The following AGBL1 variants were observed in gnomAD, a reference collection of about 807,000 sequenced individuals.
The protein encoded by AGBL1 is cytosolic carboxypeptidase 4.
In AGBL1, 130 loss-of-function variants were observed where a neutral mutation model predicts 118.9. That is an observed-to-expected ratio of 1.09 (90% CI 0.95 to 1.26). AGBL1 has a LOEUF of 1.26. AGBL1 is among the 50% of genes most tolerant of loss of function. The probability of loss-of-function intolerance (pLI) is 0.00; values close to 1 mark genes in which losing one functional copy is unlikely to be tolerated. For missense variants in AGBL1, 1,584 were observed against 1,298.1 expected (o/e 1.22, Z -3.38); for synonymous variants, 555 against 478.9 (o/e 1.16, Z -2.08).
intron 23 of AGBL1, among the ~76,000 whole-genome samples, chr15:86,925,802 C>A (rs1241474940): frequency 6.7e-6 from 1 of 149,818 alleles, no homozygotes; most frequent in South Asian, 2.1e-4. Context: ...GCCATCTCGG[C>A]TCACTGCAAC....
At chr15:86,534,027 G>T (rs2083386947) in intron 19 of AGBL1, among the ~76,000 whole-genome samples, 1 of 128,252 alleles carries the variant, frequency 7.8e-6, no homozygotes, top group South Asian at 2.9e-4. Flanking sequence ...ACGAGTTAGT[G>T]GGTGCAGCGC....
At chr15:86,516,592 G>T (rs2083123886) in intron 18 of AGBL1, among the ~76,000 whole-genome samples, 1 of 152,158 alleles carries the variant, frequency 6.6e-6, no homozygotes, top group Non-Finnish European at 1.5e-5. Flanking sequence ...CTGAGGTCAG[G>T]AGTTTGAGAC....
At chr15:86,157,224 C>T (rs1002212015) in intron 4 of AGBL1, among the ~76,000 whole-genome samples, 2 of 152,074 alleles carry the variant, frequency 1.3e-5, no homozygotes, top group African/African-American at 4.8e-5. Flanking sequence ...CACCTATCTC[C>T]CGTATATTGA....
chr15:86,116,961 T>C (rs1035480476), intron 1 of AGBL1, among the ~76,000 whole-genome samples: 65 of 151,982 alleles, frequency 4.3e-4, no homozygotes, highest in Admixed American at 7.2e-4. Flanking sequence ...CTTTTTTTTT[T>C]TTTTTAACAT....
At chr15:86,826,301 T>A (rs1031736278) in intron 22 of AGBL1, among the ~76,000 whole-genome samples, 7 of 152,052 alleles carry the variant, frequency 4.6e-5, no homozygotes, top group Non-Finnish European at 8.8e-5. Flanking sequence ...ATAATCTCAA[T>A]AGAGATTTGA....
intron 1 of AGBL1, among the ~76,000 whole-genome samples, chr15:86,110,860 A>G (rs1366384712): frequency 2.0e-5 from 3 of 152,186 alleles, no homozygotes; most frequent in Non-Finnish European, 4.4e-5. Flanking sequence ...CCTGCATTAA[A>G]TACCATCCCT....
intron 5 of AGBL1, among the ~76,000 whole-genome samples, chr15:86,206,763 C>T (rs916681157): frequency 5.3e-5 from 8 of 152,158 alleles, no homozygotes; most frequent in African/African-American, 1.9e-4. Flanking sequence ...TGTAGGTTGC[C>T]TGTTCACTCT....
intron 24 of AGBL1, among the ~76,000 whole-genome samples, chr15:86,999,105 G>C (rs1476464539): frequency 6.6e-6 from 1 of 150,824 alleles, no homozygotes; most frequent in African/African-American, 2.4e-5. Flanking sequence ...AACATGCAGT[G>C]TTTGTTTTTT....
chr15:86,768,765 A>T (rs1383781496), intron 22 of AGBL1, among the ~76,000 whole-genome samples: 1 of 151,966 alleles, frequency 6.6e-6, no homozygotes, highest in South Asian at 2.1e-4. Flanking sequence ...ATTGTTTACT[A>T]ATTTTCTGCA....
intron 1 of AGBL1, among the ~76,000 whole-genome samples, chr15:86,115,268 A>G (rs547518691): frequency 1.3e-5 from 2 of 152,312 alleles, no homozygotes; most frequent in South Asian, 2.1e-4. Context: ...GACTGTGAAG[A>G]TGAAATTTTG....
intron 3 of AGBL1, among the ~76,000 whole-genome samples, chr15:86,146,726 A>G (rs1350988726): frequency 2.6e-4 from 39 of 152,122 alleles, no homozygotes; most frequent in Admixed American, 2.6e-3. Context: ...ACTGACATTC[A>G]AGTTGCCATG....
chr15:86,642,790 T>A (rs915730965), intron 21 of AGBL1, among the ~76,000 whole-genome samples: 6 of 152,124 alleles, frequency 3.9e-5, no homozygotes, highest in African/African-American at 1.4e-4. Flanking sequence ...AGTTTTATAA[T>A]TAGTGTTGTG....
At position 86,613,319 on chromosome 15, in the gene AGBL1, T is replaced by C. The variant is rs941728777; in HGVS notation, c.2994+58782T>C. Among the ~76,000 whole-genome samples the C allele has an allele frequency of 1.3e-5, 2 of 152,152 alleles. No individual in the cohort carries two copies. Among genetic ancestry groups the C allele is most frequent in the African/African-American group, 2.4e-5 (1 of 41,442 alleles). On this transcript the variant is annotated intron_variant, in intron 21 of 22. Coordinates refer to ENST00000614907, the MANE Select transcript of AGBL1 (RefSeq NM_001386094.1). The surrounding 1 kb of genome is among the most constrained non-coding windows in gnomAD (Gnocchi z 4.2). ...CATGGTGAAGGCAGTCGAGGTCCCA[T>C]GAACTTGTAGGTGACTTTAGCTGGA...
intron 22 of AGBL1, among the ~76,000 whole-genome samples, chr15:86,899,002 C>T (rs1346806314): frequency 6.6e-6 from 1 of 152,114 alleles, no homozygotes; most frequent in Non-Finnish European, 1.5e-5. Context: ...GAGCTAAAAG[C>T]AGAACTACCA....
chr15:86,562,129 A>G (rs544102508), intron 21 of AGBL1, among the ~76,000 whole-genome samples: 1 of 152,112 alleles, frequency 6.6e-6, no homozygotes, highest in African/African-American at 2.4e-5. Flanking sequence ...CTTTTTTCCT[A>G]ATGGAATACC....
chr15:86,270,716 G>T (rs2079146710), intron 14 of AGBL1, among the ~76,000 whole-genome samples: 1 of 152,200 alleles, frequency 6.6e-6, no homozygotes, highest in Admixed American at 6.5e-5. Context: ...CTGTGGGTAT[G>T]AGAAGAGAAA....
intron 23 of AGBL1, among the ~76,000 whole-genome samples, chr15:86,923,277 A>C (rs2080498798): frequency 6.6e-6 from 1 of 152,170 alleles, no homozygotes; most frequent in African/African-American, 2.4e-5. Flanking sequence ...AGTTGTCCAT[A>C]TGATGTATCA....
intron 15 of AGBL1, among the ~76,000 whole-genome samples, chr15:86,275,097 C>A (rs1190133223): frequency 6.6e-6 from 1 of 152,140 alleles, no homozygotes. Context: ...CTGTGGTCTG[C>A]TTCTTCCTCT....
intron 24 of AGBL1, among the ~76,000 whole-genome samples, chr15:87,008,000 A>AAGAT (rs1441021767): frequency 1.3e-5 from 2 of 152,212 alleles, no homozygotes; most frequent in African/African-American, 4.8e-5. Flanking sequence ...TTCATTGCTG[A>AAGAT]AGATAGATTT....
Sources: gnomAD v4.1 joint callset for allele counts (sites outside exome capture counted in the v4.1 genomes callset) on GRCh38, gnomAD v4.1.1 for gene constraint, Gnocchi (gnomAD v3.1) non-coding constraint, MANE v1.5 for transcripts, NCBI Gene and HGNC (gene_info 2026-07-23, HGNC 2026-07-21) for gene names.